SPATA16: variants seen among roughly 807,000 people sequenced by gnomAD.
The protein encoded by SPATA16 is spermatogenesis associated 16.
Under a neutral mutation model 63.3 loss-of-function variants are expected in SPATA16, and 36 were observed. That is an observed-to-expected ratio of 0.57 (90% CI 0.44 to 0.75). The LOEUF is 0.75. Ranked by LOEUF, SPATA16 falls within the 30% of genes least tolerant of loss-of-function variation. The pLI is 0.00. For missense variants in SPATA16, 646 were observed against 679.3 expected (o/e 0.95, Z 0.54); for synonymous variants, 203 against 216.7 (o/e 0.94, Z 0.56).
intron 2 of SPATA16, among the ~76,000 whole-genome samples, chr3:173,072,555 A>G (rs1736698847): frequency 6.6e-6 from 1 of 152,202 alleles, no homozygotes; most frequent in Non-Finnish European, 1.5e-5. Flanking sequence ...TGATGGGTTT[A>G]TAAGGGGAAT....
chr3:172,905,820 T>C (rs189781100), intron 10 of SPATA16, among the ~76,000 whole-genome samples: 3 of 152,348 alleles, frequency 2.0e-5, no homozygotes, highest in East Asian at 1.9e-4. Context: ...TACTATATTA[T>C]ATTAGATGAA....
chr3:172,963,292 A>C (rs1733832611), intron 5 of SPATA16, among the ~76,000 whole-genome samples: 1 of 152,142 alleles, frequency 6.6e-6, no homozygotes, highest in South Asian at 2.1e-4. Context: ...TAAATATTTC[A>C]TGCAGTTTAA....
chr3:172,904,826 A>G (rs1732198947), intron 10 of SPATA16, among the ~76,000 whole-genome samples: 1 of 152,128 alleles, frequency 6.6e-6, no homozygotes, highest in Admixed American at 6.6e-5. Context: ...TTGCTCTGTA[A>G]ACCATCTGGA....
intron 6 of SPATA16, among the ~76,000 whole-genome samples, chr3:172,936,116 T>C (rs77608685): frequency 2.6e-5 from 4 of 152,190 alleles, no homozygotes; most frequent in Non-Finnish European, 4.4e-5. Context: ...ACAAAGCTCC[T>C]AAGACCTTTA....
At chr3:173,046,217 G>A (rs895877782) in intron 3 of SPATA16, among the ~76,000 whole-genome samples, 3 of 152,026 alleles carry the variant, frequency 2.0e-5, no homozygotes, top group Non-Finnish European at 4.4e-5. Context: ...AGTGAGCAGA[G>A]ATTGAATGTA....
At chr3:173,029,053 A>C (rs1483367737) in intron 3 of SPATA16, among the ~76,000 whole-genome samples, 1 of 152,056 alleles carries the variant, frequency 6.6e-6, no homozygotes, top group East Asian at 1.9e-4. Context: ...TTATAAAGCT[A>C]CAAATAGCTC....
At chr3:172,920,686 G>A (rs112308137) in intron 8 of SPATA16, among the ~76,000 whole-genome samples, 3 of 152,106 alleles carry the variant, frequency 2.0e-5, no homozygotes, top group African/African-American at 4.8e-5. Flanking sequence ...TAGATATTAG[G>A]TAGGTATTAT....
At chr3:172,960,954 C>CCT (rs371690526) in intron 5 of SPATA16, among the ~76,000 whole-genome samples, 2 of 142,392 alleles carry the variant, frequency 1.4e-5, no homozygotes, top group African/African-American at 2.6e-5. Context: ...TTCCCCCCTC[C>CCT]CTCTCTCTCT....
chr3:172,975,883 CA>C, intron 5 of SPATA16, among the ~76,000 whole-genome samples: 2 of 150,100 alleles, frequency 1.3e-5, no homozygotes, highest in East Asian at 3.9e-4. Context: ...TATAGAGAGA[CA>C]AAAAACTAGG....
rs559395305 is a variant in SPATA16 at position 173,045,284 on chromosome 3, G to A, written c.758+3665C>T. ...AGTTTAACTTGATATCCATGTCCCT[G>A]AACTAGGGCAGAAAAATAAACCGAA... On this transcript the variant is annotated intron_variant, in intron 3 of 10. Coordinates refer to ENST00000351008, the MANE Select transcript of SPATA16 (RefSeq NM_031955.6). 1.1e-4 allele frequency among the ~76,000 whole-genome samples: 17 copies of A among 151,984 alleles called. No individual in the cohort carries two copies. The South Asian group carries it at 3.1e-3, about 28-fold the overall frequency.
Position 172,943,212 on chromosome 3 carries a change from G to T in SPATA16, c.1081+13465C>A, listed in dbSNP as rs562273210. ...CGTAAGAAAAAGGATGCAATAGAAA[G>T]GTTCGACAATGTCAAAACATCTGGC... On this transcript the variant is annotated intron_variant, in intron 6 of 10. Transcript: ENST00000351008. 4.6e-5 allele frequency among the ~76,000 whole-genome samples: 7 copies of T among 152,210 alleles called. No homozygotes were observed. In the South Asian group the frequency reaches 8.3e-4, roughly 18 times the overall value.
At chr3:173,069,009 C>T (rs969739591) in intron 2 of SPATA16, among the ~76,000 whole-genome samples, 24 of 150,376 alleles carry the variant, frequency 1.6e-4, no homozygotes, top group Admixed American at 8.6e-4. Flanking sequence ...ACTCGGGAGG[C>T]TGAGGCAGGA....
intron 3 of SPATA16, among the ~76,000 whole-genome samples, chr3:173,046,054 A>G (rs1390191619): frequency 6.6e-6 from 1 of 152,098 alleles, no homozygotes; most frequent in African/African-American, 2.4e-5. Flanking sequence ...GATATGTATC[A>G]TTAAAATCTT....
intron 6 of SPATA16, among the ~76,000 whole-genome samples, chr3:172,933,018 T>C (rs1732904927): frequency 6.6e-6 from 1 of 152,208 alleles, no homozygotes; most frequent in South Asian, 2.1e-4. Context: ...TTCTCTTTCA[T>C]TTGAAATTCT....
chr3:173,140,498 G>A (rs746906531), intron 1 of SPATA16, among the ~76,000 whole-genome samples: 7 of 152,148 alleles, frequency 4.6e-5, no homozygotes, highest in Non-Finnish European at 7.4e-5. Context: ...TTCAGAGCAC[G>A]CATTTTACGC....
chr3:172,967,818 A>G (rs1733951008), intron 5 of SPATA16, among the ~76,000 whole-genome samples: 1 of 152,178 alleles, frequency 6.6e-6, no homozygotes, highest in South Asian at 2.1e-4. Flanking sequence ...GTTTCCCATC[A>G]TCCCCCGATG....
chr3:172,978,167 A>ATG (rs1734213107), intron 4 of SPATA16, among the ~76,000 whole-genome samples: 1 of 151,508 alleles, frequency 6.6e-6, no homozygotes, highest in Admixed American at 6.6e-5. Flanking sequence ...CTCTCTATAT[A>ATG]TATATATAAA....
chr3:172,916,245 T>TG, intron 9 of SPATA16, 72 bp downstream of exon 9: 1 of 1,558,124 alleles, frequency 6.4e-7, no homozygotes, highest in Admixed American at 1.8e-5. Context: ...TTTTTTTTTT[T>TG]TTTCCCCAGA....
At chr3:172,911,394 A>G (rs957653558) in intron 10 of SPATA16, among the ~76,000 whole-genome samples, 9 of 152,022 alleles carry the variant, frequency 5.9e-5, no homozygotes, top group African/African-American at 1.4e-4. Flanking sequence ...TCCCTGCTCC[A>G]AGTTTCTAAG....
Sources: allele counts gnomAD v4.1 joint callset (sites outside exome capture counted in the v4.1 genomes callset), GRCh38; gene constraint gnomAD v4.1.1; transcripts MANE v1.5; gene names NCBI Gene and HGNC (gene_info 2026-07-23, HGNC 2026-07-21).